The following EPRS1 variants were observed in gnomAD, a reference collection of about 807,000 sequenced individuals.
EPRS1 encodes glutamyl-prolyl-tRNA synthetase 1, also known as bifunctional glutamate/proline--tRNA ligase.
In EPRS1, 107 loss-of-function variants were observed where a neutral mutation model predicts 188.3. The observed-to-expected ratio is 0.57, with a 90% CI of 0.49 to 0.67. The LOEUF is 0.67. EPRS1 is among the 30% of genes least tolerant of loss of function. EPRS1 has a pLI of 0.00. For synonymous variants in EPRS1, 596 were observed against 593.1 expected, an observed-to-expected ratio of 1.00 and a Z score of -0.07; for missense variants, 1,577 against 1,802.2, an observed-to-expected ratio of 0.88 and a Z score of 2.26.
chr1:219,991,626 A>G (rs1018246298), intron 18 of EPRS1, among the ~76,000 whole-genome samples: 7 of 152,174 alleles, frequency 4.6e-5, no homozygotes, highest in Admixed American at 3.9e-4. Flanking sequence ...GAAAATAATT[A>G]ACCAGTTGTG....
chr1:219,981,469 G>A lies in EPRS1; in HGVS notation c.3374-12C>T, dbSNP rs761484127. 17 of 1,557,146 alleles carry A rather than the reference G, an allele frequency of 1.1e-5. No homozygotes were observed. Among genetic ancestry groups the A allele is most frequent in the Middle Eastern group, 1.7e-4 (1 of 5,908 alleles). ...TGCAGGATACATTACTGAAAGACAC[G>A]GGAAAATAGAGACAGTCATTTAAGG... On this transcript the variant is annotated splice_polypyrimidine_tract_variant and intron_variant, in intron 23 of 31. Coordinates refer to ENST00000366923, the MANE Select transcript of EPRS1 (RefSeq NM_004446.3).
intron 19 of EPRS1, 96 bp from the exon 20 acceptor site, chr1:219,987,500 T>G: frequency 9.4e-7 from 1 of 1,063,826 alleles, no homozygotes; most frequent in South Asian, 1.7e-5. Flanking sequence ...AAGCTTTCTT[T>G]TTTCCGCCAA....
rs1399437733 is a variant in EPRS1 at position 220,025,112 on chromosome 1, A to C, written c.750+20T>G. ...TAATTCACTTTTCTGGCAAAGGGTC[A>C]TCACTACACTTTTAATTACCTTCTC... On this transcript the variant is annotated intron_variant, in intron 7 of 31. Coordinates refer to ENST00000366923, the MANE Select transcript of EPRS1 (RefSeq NM_004446.3). 6.2e-7 allele frequency: 1 copy of C among 1,608,338 alleles called. No homozygotes were observed.
chr1:220,003,454 G>T (rs917364300), intron 16 of EPRS1, among the ~76,000 whole-genome samples: 2 of 152,214 alleles, frequency 1.3e-5, no homozygotes, highest in Non-Finnish European at 2.9e-5. Context: ...TGTGATTTAG[G>T]TGTTATATCC....
chr1:220,019,908 C>T (rs1395130365), intron 10 of EPRS1, 80 bp downstream of exon 10: 3 of 935,400 alleles, frequency 3.2e-6, no homozygotes, highest in Non-Finnish European at 3.4e-6. Flanking sequence ...CAATCACCTT[C>T]CCTATCTCTC....
chr1:219,989,175 T>C (rs61830368), intron 18 of EPRS1, among the ~76,000 whole-genome samples: 535 of 152,144 alleles, frequency 3.5e-3, no homozygotes, highest in Non-Finnish European at 6.0e-3. Flanking sequence ...GATCAATGGC[T>C]TTGCCTATAC....
intron 18 of EPRS1, among the ~76,000 whole-genome samples, chr1:219,993,405 G>A (rs928498510): frequency 6.6e-6 from 1 of 152,206 alleles, no homozygotes; most frequent in Non-Finnish European, 1.5e-5. Context: ...AAAGATGGTA[G>A]ACTTGATGGA....
Position 219,986,960 on chromosome 1 carries a change from CAAACGTGTTACCTATTTTTA to C in EPRS1, c.3038+162_3038+181del, listed in dbSNP as rs145710120. ...TACATTCTGAGATTCTTGAACCAAA[CAAACGTGTTACCTATTTTTA>C]AAACTAAATGGAAAATCAATAAATG... On this transcript the variant is annotated intron_variant, in intron 20 of 31. Coordinates refer to ENST00000366923, the MANE Select transcript of EPRS1 (RefSeq NM_004446.3). Among the ~76,000 whole-genome samples, 767 of 152,276 alleles carry C rather than the reference CAAACGTGTTACCTATTTTTA, an allele frequency of 5.0e-3. 4 individuals are homozygous for C. Among genetic ancestry groups the C allele is most frequent in the African/African-American group, 0.018 (745 of 41,548 alleles).
At chr1:219,985,849 G>T (rs1288570329) in intron 20 of EPRS1, among the ~76,000 whole-genome samples, 1 of 152,014 alleles carries the variant, frequency 6.6e-6, no homozygotes, top group Non-Finnish European at 1.5e-5. Context: ...GTCTCTTTTT[G>T]GAGTTTAAAA....
At chr1:220,041,280 C>G (rs952103311) in intron 1 of EPRS1, among the ~76,000 whole-genome samples, 1 of 151,412 alleles carries the variant, frequency 6.6e-6, no homozygotes, top group African/African-American at 2.4e-5. Context: ...CGCAGTGAGC[C>G]CTGATTGCAC....
In EPRS1 at chr1:220,006,144, C is replaced by T. The variant is rs374312819; in HGVS notation, c.1912G>A (p.Asp638Asn). 5.5e-5 allele frequency: 87 copies of T among 1,594,204 alleles called. No individual in the cohort carries two copies. The highest frequency in any genetic ancestry group is 7.1e-5 in the Non-Finnish European group (83 of 1,168,110). Residue 638 changes from aspartate to asparagine, a missense_variant, in exon 15 of 32, where the codon GAC (aspartate) becomes AAC (asparagine). Physicochemically the swap from Asp to Asn is conservative, Grantham distance 23 (BLOSUM62 1). Around this residue, in one of 3 missense-constraint regions of EPRS1, gnomAD observed 1,278 missense variants for 1,457.4 expected, o/e 0.88. Transcript: ENST00000366923. ...TTGACATACTGCTTAAAGTCCTCGT[C>T]TTTTCCTAGCACTGGCTTTGTGATC... ...HLITKPVLGKDEDFKQYVNKN... is the reference protein window; with the variant it reads ...HLITKPVLGKNEDFKQYVNKN...
Position 219,968,625 on chromosome 1 carries a change from G to A in EPRS1, c.*181C>T. 3.5e-6 allele frequency: 2 copies of A among 573,870 alleles called. No individual in the cohort carries two copies. Among genetic ancestry groups the A allele is most frequent in the South Asian group, 5.1e-5 (2 of 39,356 alleles). The allele number at this position is 573,870 out of a possible 1,614,324, so 35.5% of individuals were successfully genotyped here. On this transcript the variant is annotated 3_prime_UTR_variant, in exon 32 of 32. Transcript: ENST00000366923. The stretch of plus-strand genomic sequence containing the variant: ...TTAGTTCATGATATTTATTACTGGA[G>A]TTGTTTACAGAAAAGTCTTTTATCC...
At chr1:220,030,694 C>T (rs1373405531) in intron 5 of EPRS1, among the ~76,000 whole-genome samples, 1 of 152,094 alleles carries the variant, frequency 6.6e-6, no homozygotes, top group African/African-American at 2.4e-5. Flanking sequence ...GCTGTTAGGG[C>T]ACTCAGTTGA....
At chr1:219,994,755 C>T (rs1406178682) in intron 18 of EPRS1, among the ~76,000 whole-genome samples, 1 of 150,588 alleles carries the variant, frequency 6.6e-6, no homozygotes, top group East Asian at 2.0e-4. Context: ...TGGGTTCATG[C>T]CATTCTCCTG....
chr1:219,969,634 T>C (rs1299655800), intron 30 of EPRS1, among the ~76,000 whole-genome samples: 2 of 144,978 alleles, frequency 1.4e-5, no homozygotes, highest in Non-Finnish European at 3.0e-5. Flanking sequence ...TTTAAAGTCC[T>C]AAAATCATTT....
At chr1:220,045,349 A>G (rs1159949059) in intron 1 of EPRS1, among the ~76,000 whole-genome samples, 3 of 152,074 alleles carry the variant, frequency 2.0e-5, no homozygotes, top group Non-Finnish European at 2.9e-5. Flanking sequence ...AGACACAAAC[A>G]CAAAATTAGC....
intron 12 of EPRS1, among the ~76,000 whole-genome samples, chr1:220,017,294 A>G (rs1038795689): frequency 1.3e-5 from 2 of 152,236 alleles, no homozygotes; most frequent in East Asian, 1.9e-4. Context: ...CTATGAAAGT[A>G]GATAGAGAGA....
chr1:220,007,113 T>C, intron 14 of EPRS1, 89 bp downstream of exon 14: 6 of 1,149,212 alleles, frequency 5.2e-6, no homozygotes, highest in Non-Finnish European at 3.6e-6. Flanking sequence ...GCAACATGTA[T>C]GGGTCTGAAT....
rs368359046 is a variant in EPRS1 at position 219,981,355 on chromosome 1, T to C, written c.3453+23A>G. On this transcript the variant is annotated intron_variant, in intron 24 of 31. Coordinates refer to ENST00000366923, the MANE Select transcript of EPRS1 (RefSeq NM_004446.3). ...AAAAAGAACATGAATAATAATAGAA[T>C]ACAAGAGGGGGTGAATACCTACCAC... The C allele has an allele frequency of 2.0e-5, 29 of 1,442,088 alleles. No homozygotes were observed. The African/African-American group carries it at 3.7e-4, about 19-fold the overall frequency. 89.3% of individuals were successfully genotyped at this position (1,442,088 alleles called of 1,614,324 possible). A position where few individuals can be genotyped will look rare whatever the true frequency, so the allele number is the denominator to read the frequency against.
Sources: allele counts gnomAD v4.1 joint callset (sites outside exome capture counted in the v4.1 genomes callset), GRCh38; gene constraint gnomAD v4.1.1; regional missense constraint gnomAD v4.1.1; transcripts MANE v1.5; gene names NCBI Gene and HGNC (gene_info 2026-07-23, HGNC 2026-07-21).